TEX9: variants seen among roughly 807,000 people sequenced by gnomAD.
TEX9 encodes the protein testis-expressed protein 9.
Under a neutral mutation model 59.6 loss-of-function variants are expected in TEX9, and 74 were observed. The ratio of observed to expected loss-of-function variants is 1.24; its 90% CI spans 1.03 to 1.51. The LOEUF (loss-of-function observed/expected upper bound fraction) is 1.51. Among genes scored for constraint, TEX9 ranks in the 40% most tolerant of loss-of-function variants. TEX9 has a pLI of 0.00. For synonymous variants in TEX9, 186 were observed against 152.2 expected (o/e 1.22, Z -1.64); for missense variants, 522 against 447.8 (o/e 1.17, Z -1.49).
At chr15:56,283,440 T>C (rs1161828688) in intron 1 of TEX9, among the ~76,000 whole-genome samples, 4 of 152,154 alleles carry the variant, frequency 2.6e-5, no homozygotes, top group Admixed American at 6.5e-5. Context: ...TGGTGCAAGA[T>C]AGTCCTGAAA....
chr15:56,255,027 AAG>A (rs2044112936), intron 1 of TEX9, among the ~76,000 whole-genome samples: 1 of 152,052 alleles, frequency 6.6e-6, no homozygotes, highest in African/African-American at 2.4e-5. Context: ...GTGGAGAGAA[AAG>A]AGATGATTTG....
intron 1 of TEX9, among the ~76,000 whole-genome samples, chr15:56,288,316 T>A (rs1292865343): frequency 1.3e-5 from 2 of 152,136 alleles, no homozygotes; most frequent in Admixed American, 1.3e-4. Context: ...TACTAGAATT[T>A]TTTTTTACTA....
chr15:56,332,467 C>G (rs559113845), intron 1 of TEX9, among the ~76,000 whole-genome samples: 21 of 111,936 alleles, frequency 1.9e-4, no homozygotes, highest in African/African-American at 6.1e-4. Context: ...TGGGGACTGT[C>G]GTGGGGTGGG....
chr15:56,270,536 T>A (rs2044503028), intron 1 of TEX9, among the ~76,000 whole-genome samples: 2 of 152,232 alleles, frequency 1.3e-5, no homozygotes, highest in South Asian at 4.1e-4. Context: ...TGACACTATG[T>A]GTGTCTCTGC....
intron 12 of TEX9, chr15:56,429,149 C>A: frequency 1.2e-6 from 2 of 1,602,846 alleles, no homozygotes. Context: ...CTTTCCTGAA[C>A]TCTTCACCAA....
chr15:56,334,434 G>A (rs2046220009), intron 1 of TEX9, among the ~76,000 whole-genome samples: 1 of 152,122 alleles, frequency 6.6e-6, no homozygotes, highest in Admixed American at 6.5e-5. Flanking sequence ...AATAAATCGT[G>A]CTGGAAAAAT....
intron 12 of TEX9, chr15:56,443,777 CAG>C: frequency 6.2e-7 from 1 of 1,612,948 alleles, no homozygotes; most frequent in Non-Finnish European, 8.5e-7. Flanking sequence ...CTTTTTTCTC[CAG>C]AGAGCCTGCT....
chr15:56,412,183 T>TGC, intron 9 of TEX9, 119 bp from the exon 10 acceptor site: 3 of 873,868 alleles, frequency 3.4e-6, no homozygotes, highest in Non-Finnish European at 5.2e-6. Flanking sequence ...CGTGTGTGTG[T>TGC]GTGTGTGTGT....
intron 1 of TEX9, among the ~76,000 whole-genome samples, chr15:56,325,022 T>C (rs1224600102): frequency 6.6e-6 from 1 of 152,178 alleles, no homozygotes; most frequent in Non-Finnish European, 1.5e-5. Context: ...CAATAGAGCC[T>C]AATAATCAGA....
Position 56,338,786 on chromosome 15 carries a change from C to T in TEX9, c.-106-34655C>T, listed in dbSNP as rs562388516. Among the ~76,000 whole-genome samples, 22 of 151,982 alleles carry T rather than the reference C, an allele frequency of 1.4e-4. No individual in the cohort carries two copies. In the East Asian group the frequency reaches 1.8e-3, roughly 12 times the overall value. On this transcript the variant is annotated intron_variant, in intron 1 of 5. Transcript: ENST00000560827. Reference sequence around the variant, plus strand: ...ACAAAAAATTAGCTGGGCATGGTGGCGAGTGCCTTTAATCCCAGCTACTTG... The same window carrying T: ...ACAAAAAATTAGCTGGGCATGGTGGTGAGTGCCTTTAATCCCAGCTACTTG...
intron 7 of TEX9, among the ~76,000 whole-genome samples, chr15:56,392,197 C>T (rs544603443): frequency 6.6e-6 from 1 of 152,250 alleles, no homozygotes; most frequent in South Asian, 2.1e-4. Flanking sequence ...TCTGTTCCTG[C>T]ACTGCTATAA....
intron 1 of TEX9, among the ~76,000 whole-genome samples, chr15:56,283,459 A>G (rs2044868410): frequency 6.6e-6 from 1 of 152,178 alleles, no homozygotes; most frequent in African/African-American, 2.4e-5. Flanking sequence ...AATAAATTTG[A>G]ATATAATATG....
intron 1 of TEX9, among the ~76,000 whole-genome samples, chr15:56,355,339 G>C (rs1406881441): frequency 6.6e-6 from 1 of 152,076 alleles, no homozygotes; most frequent in Non-Finnish European, 1.5e-5. Flanking sequence ...GTGATATATG[G>C]ATCAAGATTA....
intron 2 of TEX9, among the ~76,000 whole-genome samples, chr15:56,370,966 C>G (rs1325463685): frequency 6.6e-6 from 1 of 152,122 alleles, no homozygotes; most frequent in Non-Finnish European, 1.5e-5. Context: ...AAGCGATTCT[C>G]ATTCCTCAGC....
rs529886213 is a variant in TEX9, at chr15:56,366,851, A to T, written c.119+1181A>T. 3.3e-5 allele frequency among the ~76,000 whole-genome samples: 5 copies of T among 152,360 alleles called. No individual in the cohort carries two copies. In the South Asian group the frequency reaches 1.0e-3, roughly 32 times the overall value. On this transcript the variant is annotated intron_variant, in intron 2 of 12. Coordinates refer to ENST00000352903, the Ensembl canonical transcript of TEX9. ...GTTTAGGTGAACTATACACAGACCA[A>T]TTTACCACAGCAAGTAGGAAGATAA...
intron 1 of TEX9, among the ~76,000 whole-genome samples, chr15:56,272,417 C>A (rs2044557575): frequency 1.3e-5 from 2 of 152,164 alleles, no homozygotes; most frequent in Non-Finnish European, 2.9e-5. Flanking sequence ...TTTGAGAGTT[C>A]ATCTGTGTTG....
Position 56,285,957 on chromosome 15 carries a change from G to C in TEX9, c.-107+41679G>C, listed in dbSNP as rs543944888. 2.7e-3 allele frequency among the ~76,000 whole-genome samples: 418 copies of C among 152,298 alleles called. 4 individuals carry two copies. The highest frequency in any genetic ancestry group is 9.8e-3 in the African/African-American group (409 of 41,568). On this transcript the variant is annotated intron_variant, in intron 1 of 5. Transcript: ENST00000560827. The stretch of plus-strand genomic sequence containing the variant: ...GGATTGAAATAGTTTGAAAAGTTTA[G>C]TGGCAGGAGTACAGTTTAAAGTGCA...
At chr15:56,369,259 T>C (rs1413181975) in intron 2 of TEX9, among the ~76,000 whole-genome samples, 2 of 152,068 alleles carry the variant, frequency 1.3e-5, no homozygotes, top group Admixed American at 1.3e-4. Flanking sequence ...GGTGTGATTA[T>C]GGCTCATTGC....
At chr15:56,315,550 G>A (rs1447681470) in intron 1 of TEX9, among the ~76,000 whole-genome samples, 2 of 150,422 alleles carry the variant, frequency 1.3e-5, no homozygotes, top group African/African-American at 4.8e-5. Context: ...CCCTTTGAGG[G>A]TAACCCGACC....
Sources: gnomAD v4.1 joint callset for allele counts (sites outside exome capture counted in the v4.1 genomes callset) on GRCh38, gnomAD v4.1.1 for gene constraint, MANE v1.5 for transcripts, NCBI Gene and HGNC (gene_info 2026-07-23, HGNC 2026-07-21) for gene names.